The following SAMD12 variants were observed in gnomAD, a reference collection of about 807,000 sequenced individuals.
SAMD12 encodes sterile alpha motif domain-containing protein 12.
A neutral mutation model predicts 15.0 loss-of-function variants in SAMD12; 9 were observed. That is an observed-to-expected ratio of 0.60 (90% CI 0.36 to 1.05). SAMD12 has a LOEUF of 1.05. Ranked by LOEUF, SAMD12 falls within the 50% of genes least tolerant of loss-of-function variation. The probability of loss-of-function intolerance (pLI) is 0.01; values close to 1 mark genes in which losing one functional copy is unlikely to be tolerated. For missense variants in SAMD12, 230 were observed against 234.2 expected (o/e 0.98, Z 0.12); for synonymous variants, 86 against 90.1 (o/e 0.96, Z 0.25).
intron 4 of SAMD12, among the ~76,000 whole-genome samples, chr8:118,214,214 A>G (rs536349263): frequency 1.3e-5 from 2 of 152,360 alleles, no homozygotes; most frequent in African/African-American, 4.8e-5. Flanking sequence ...TCGATAGAAT[A>G]AAATACAGGG....
intron 1 of SAMD12, among the ~76,000 whole-genome samples, chr8:118,616,847 A>T (rs2514596): frequency 1.3e-5 from 2 of 152,160 alleles, no homozygotes; most frequent in Non-Finnish European, 2.9e-5. Flanking sequence ...TCAGATCAAC[A>T]GAGGCATTAG....
the SAMD12 span, among the ~76,000 whole-genome samples, chr8:118,179,501 G>A: frequency 1.3e-5 from 2 of 152,008 alleles, no homozygotes; most frequent in Non-Finnish European, 2.9e-5. Context: ...AATGTGGTTG[G>A]CCAGGTACGA....
intron 2 of SAMD12, among the ~76,000 whole-genome samples, chr8:118,554,198 C>A (rs1444588923): frequency 7.2e-5 from 11 of 152,186 alleles, no homozygotes; most frequent in South Asian, 4.2e-4. Flanking sequence ...TACCCAAAGG[C>A]CTATAAATCA....
the SAMD12 span, among the ~76,000 whole-genome samples, chr8:118,163,665 G>A: frequency 2.0e-5 from 3 of 151,722 alleles, no homozygotes; most frequent in Non-Finnish European, 4.4e-5. Flanking sequence ...CACGAGGTCA[G>A]GAGATCGAGA....
intron 3 of SAMD12, among the ~76,000 whole-genome samples, chr8:118,424,226 T>C (rs1822145936): frequency 6.6e-6 from 1 of 152,242 alleles, no homozygotes; most frequent in South Asian, 2.1e-4. Context: ...CGCATTTATA[T>C]AATTCTTTAC....
At chr8:118,390,684 A>G (rs1486450345) in intron 3 of SAMD12, among the ~76,000 whole-genome samples, 1 of 151,976 alleles carries the variant, frequency 6.6e-6, no homozygotes, top group Non-Finnish European at 1.5e-5. Context: ...GTCTCCTCTC[A>G]CTTCTACCTG....
chr8:118,491,614 C>A (rs1325904013), intron 2 of SAMD12, among the ~76,000 whole-genome samples: 2 of 152,136 alleles, frequency 1.3e-5, no homozygotes, highest in Non-Finnish European at 2.9e-5. Context: ...TCAATCCCTA[C>A]CCCTCAGAGT....
chr8:118,357,108 G>T (rs949149955), intron 4 of SAMD12, among the ~76,000 whole-genome samples: 1 of 152,182 alleles, frequency 6.6e-6, no homozygotes, highest in Non-Finnish European at 1.5e-5. Context: ...TCACTCCCTT[G>T]TTTAAATTGA....
At chr8:118,132,991 TATATATATATATATA>T in the SAMD12 span, among the ~76,000 whole-genome samples, 1 of 78,616 alleles carries the variant, frequency 1.3e-5, no homozygotes, top group African/African-American at 4.6e-5. Context: ...TATATATATA[TATATATATATATATA>T]TATATATATA....
At chr8:118,227,518 G>A (rs1437011214) in intron 4 of SAMD12, among the ~76,000 whole-genome samples, 1 of 151,968 alleles carries the variant, frequency 6.6e-6, no homozygotes, top group African/African-American at 2.4e-5. Flanking sequence ...AGCCTAAAAT[G>A]AGAGTTAAAA....
chr8:118,545,705 C>T (rs79653190), intron 2 of SAMD12, among the ~76,000 whole-genome samples: 5,104 of 152,158 alleles, frequency 0.034, 261 homozygotes, highest in African/African-American at 0.11. Context: ...AACATACTGG[C>T]AATGAAATCA....
intron 4 of SAMD12, among the ~76,000 whole-genome samples, chr8:118,247,349 A>G (rs1812720081): frequency 6.6e-6 from 1 of 152,112 alleles, no homozygotes; most frequent in South Asian, 2.1e-4. Context: ...GATCTATTAT[A>G]CAGCATAGTG....
intron 1 of SAMD12, among the ~76,000 whole-genome samples, chr8:118,601,707 A>G (rs1330115690): frequency 6.6e-6 from 1 of 152,246 alleles, no homozygotes; most frequent in African/African-American, 2.4e-5. Context: ...GCAAATGGCC[A>G]TGCCAATAGC....
At chr8:118,338,590 C>A (rs1428614028) in intron 4 of SAMD12, among the ~76,000 whole-genome samples, 2 of 152,192 alleles carry the variant, frequency 1.3e-5, no homozygotes, top group East Asian at 3.8e-4. Context: ...AGTTTGGTTG[C>A]CATTGCTGTT....
intron 3 of SAMD12, among the ~76,000 whole-genome samples, chr8:118,430,292 C>T (rs1029657628): frequency 1.1e-4 from 16 of 151,946 alleles, no homozygotes; most frequent in African/African-American, 3.9e-4. Context: ...TATATTTTGA[C>T]ACTCTATGTT....
intron 2 of SAMD12, among the ~76,000 whole-genome samples, chr8:118,472,015 C>G (rs1006826144): frequency 7.9e-5 from 12 of 151,910 alleles, no homozygotes; most frequent in African/African-American, 2.9e-4. Context: ...AGGCCGGGCG[C>G]GGTGGCTCAC....
the SAMD12 span, among the ~76,000 whole-genome samples, chr8:118,183,066 C>A: frequency 4.6e-5 from 7 of 152,190 alleles, no homozygotes; most frequent in Non-Finnish European, 1.0e-4. Context: ...AATCAAATGC[C>A]TGCTCACTTA....
At chr8:118,400,226 T>C (rs757136283) in intron 3 of SAMD12, 7 of 152,218 alleles carry the variant, frequency 4.6e-5, no homozygotes, top group Non-Finnish European at 8.8e-5. Context: ...ACACGAATTA[T>C]CCCATCAGAT....
chr8:118,360,715 C>T (rs1410571221), intron 4 of SAMD12, among the ~76,000 whole-genome samples: 1 of 152,194 alleles, frequency 6.6e-6, no homozygotes, highest in African/African-American at 2.4e-5. Flanking sequence ...TGTGAGATGG[C>T]CAGAAAGTCT....
Sources: gnomAD v4.1 joint callset for allele counts (sites outside exome capture counted in the v4.1 genomes callset) on GRCh38, gnomAD v4.1.1 for gene constraint, MANE v1.5 for transcripts, NCBI Gene and HGNC (gene_info 2026-07-23, HGNC 2026-07-21) for gene names.